The following GRM4 variants were observed in gnomAD, a reference collection of about 807,000 sequenced individuals.
GRM4 encodes the protein glutamate metabotropic receptor 4, also known as metabotropic glutamate receptor 4.
A neutral mutation model predicts 81.7 loss-of-function variants in GRM4; 28 were observed. That is an observed-to-expected ratio of 0.34 (90% CI 0.25 to 0.47). GRM4 has a LOEUF of 0.47. Ranked by LOEUF, GRM4 falls within the 20% of genes least tolerant of loss-of-function variation. GRM4 has a pLI of 1.00. For synonymous variants in GRM4, 488 were observed against 528.8 expected, an observed-to-expected ratio of 0.92 and a Z score of 1.06; for missense variants, 948 against 1,290.0, an observed-to-expected ratio of 0.73 and a Z score of 4.06.
At chr6:34,098,372 A>AT (rs970605848) in intron 2 of GRM4, among the ~76,000 whole-genome samples, 3 of 152,120 alleles carry the variant, frequency 2.0e-5, no homozygotes, top group African/African-American at 7.2e-5. Context: ...CCTCCTGGGC[A>AT]TGCCCTCCAG....
chr6:34,112,215 C>T (rs926805790), intron 2 of GRM4, among the ~76,000 whole-genome samples: 6 of 152,206 alleles, frequency 3.9e-5, no homozygotes, highest in East Asian at 3.8e-4. Context: ...ATTTATCCAA[C>T]GAGCGATAAA....
chr6:34,113,040 C>T (rs77310180), intron 2 of GRM4, among the ~76,000 whole-genome samples: 2,988 of 152,262 alleles, frequency 0.02, 39 homozygotes, highest in Middle Eastern at 0.065. Flanking sequence ...TAATAATGAC[C>T]TTCCATTTAC....
In GRM4 at chr6:34,080,591, T is replaced by C. The variant is rs1396632857; in HGVS notation, c.736+11292A>G. ...AGAAGGAAAAAAATGGCCACGCCCC[T>C]CCTCACCAGCCATACCCCTGGGGCA... On this transcript the variant is annotated intron_variant, in intron 3 of 10. Transcript: ENST00000538487. The surrounding 1 kb of genome is among the most constrained non-coding windows in gnomAD (Gnocchi z 5.4). Among the ~76,000 whole-genome samples the C allele has an allele frequency of 8.5e-5, 13 of 152,070 alleles. No homozygotes were observed. The highest frequency in any genetic ancestry group is 1.8e-4 in the Non-Finnish European group (12 of 68,010).
chr6:34,036,521 T>G lies in GRM4; in HGVS notation c.1589A>C (p.Lys530Thr). 6.2e-7 allele frequency: 1 copy of G among 1,612,198 alleles called. No individual in the cohort carries two copies. Among genetic ancestry groups the G allele is most frequent in the South Asian group, 1.1e-5 (1 of 91,066 alleles). The part of the protein sequence containing the change: ...CSLPCQPGER[K>T]KTVKGMPCCW... Reference sequence around the variant, plus strand: ...GCAAGGCATGCCCTTCACTGTCTTCTTCCGCTCACCCGGTTGGCAGGGCAG... The same window carrying G: ...GCAAGGCATGCCCTTCACTGTCTTCGTCCGCTCACCCGGTTGGCAGGGCAG... The change falls in exon 9 of 11, where the codon AAG becomes ACG. Residue 530 changes from lysine (K) to threonine (T), a missense_variant. Transcript: ENST00000538487. This position sits in a 1 kb window ranked among gnomAD's most constrained non-coding sequence, Gnocchi z 9.0.
At position 34,115,139 on chromosome 6, in the gene GRM4, G is replaced by A. The variant is rs1011013767; in HGVS notation, c.519+17839C>T. 6.6e-6 allele frequency among the ~76,000 whole-genome samples: 1 copy of A among 152,184 alleles called. No homozygotes were observed. The highest frequency in any genetic ancestry group is 1.5e-5 in the Non-Finnish European group (1 of 68,038). On this transcript the variant is annotated intron_variant, in intron 2 of 10. Transcript: ENST00000538487. The surrounding 1 kb of genome is among the most constrained non-coding windows in gnomAD (Gnocchi z 4.1). Reference sequence around the variant, plus strand: ...AAGAGGTTCACCAGGGTTGAGAGGTGGTCAGGGCCCTGCCTAAACGCCAAC... The same window carrying A: ...AAGAGGTTCACCAGGGTTGAGAGGTAGTCAGGGCCCTGCCTAAACGCCAAC...
Position 34,114,942 on chromosome 6 carries a change from A to G in GRM4, c.519+18036T>C, listed in dbSNP as rs1441911106. ...ATGTTTGCTGAATCAAATGGAATCCATTCAAAACACAGCCCAGGAAGCATG... is the reference window on the plus strand; with the variant it reads ...ATGTTTGCTGAATCAAATGGAATCCGTTCAAAACACAGCCCAGGAAGCATG... On this transcript the variant is annotated intron_variant, in intron 2 of 10. Coordinates refer to ENST00000538487, the MANE Select transcript of GRM4 (RefSeq NM_000841.4). The surrounding 1 kb of genome is among the most constrained non-coding windows in gnomAD (Gnocchi z 4.3). Among the ~76,000 whole-genome samples the G allele has an allele frequency of 1.3e-5, 2 of 152,232 alleles. No individual in the cohort carries two copies. Among genetic ancestry groups the G allele is most frequent in the African/African-American group, 4.8e-5 (2 of 41,458 alleles).
chr6:34,141,008 C>G (rs1561836553), intron 1 of GRM4, among the ~76,000 whole-genome samples: 1 of 152,246 alleles, frequency 6.6e-6, no homozygotes, highest in Non-Finnish European at 1.5e-5. Flanking sequence ...TCACCCTCCA[C>G]AAGCTTAGGA....
In GRM4 at chr6:34,114,732, T is replaced by C. The variant is rs1769518496; in HGVS notation, c.519+18246A>G. 6.6e-6 allele frequency among the ~76,000 whole-genome samples: 1 copy of C among 151,924 alleles called. No homozygotes were observed. Among genetic ancestry groups the C allele is most frequent in the Admixed American group, 6.6e-5 (1 of 15,248 alleles). On this transcript the variant is annotated intron_variant, in intron 2 of 10. Coordinates refer to ENST00000538487, the MANE Select transcript of GRM4 (RefSeq NM_000841.4). The surrounding 1 kb of genome is among the most constrained non-coding windows in gnomAD (Gnocchi z 4.3). ...CGCCTTGTCAGAACTGCCCTCGCCC[T>C]CCTCTGAGCCCCTAGACCCTCACCT...
At chr6:34,049,148 C>G (rs1332769726) in intron 6 of GRM4, among the ~76,000 whole-genome samples, 1 of 151,972 alleles carries the variant, frequency 6.6e-6, no homozygotes, top group Non-Finnish European at 1.5e-5. Flanking sequence ...TCATCAGTTT[C>G]TCTCCTCTGT....
chr6:34,103,831 A>C (rs1375149635), intron 2 of GRM4: 9 of 1,429,674 alleles, frequency 6.3e-6, no homozygotes, highest in Non-Finnish European at 8.2e-6. Flanking sequence ...CCACGGTGAA[A>C]GACTGGGATG....
rs547380066 is a variant in GRM4 at position 34,036,963 on chromosome 6, T to C, written c.1507-360A>G. Among the ~76,000 whole-genome samples, 76 of 152,326 alleles carry C rather than the reference T, an allele frequency of 5.0e-4. No individual in the cohort carries two copies. The highest frequency in any genetic ancestry group is 1.8e-3 in the African/African-American group (73 of 41,574). The stretch of plus-strand genomic sequence containing the variant: ...TGACTCTTAGCCCCTAAGGCCTTGC[T>C]GCTCACAGTGGTCCCCAGGGCGGCA... On this transcript the variant is annotated intron_variant, in intron 8 of 10. Coordinates refer to ENST00000538487, the MANE Select transcript of GRM4 (RefSeq NM_000841.4). This position sits in a 1 kb window ranked among gnomAD's most constrained non-coding sequence, Gnocchi z 9.0.
At chr6:34,125,239 C>T (rs1258347887) in intron 2 of GRM4, among the ~76,000 whole-genome samples, 3 of 152,292 alleles carry the variant, frequency 2.0e-5, no homozygotes, top group East Asian at 3.9e-4. Flanking sequence ...TCCCAAAGGA[C>T]GCTTACCTTT....
At chr6:34,148,327 G>A (rs888589858), upstream of GRM4, among the ~76,000 whole-genome samples, 4 of 152,032 alleles carry the variant, frequency 2.6e-5, no homozygotes, top group South Asian at 2.1e-4. Flanking sequence ...CTGCTGGGTC[G>A]TGGCTGACTT....
At chr6:34,087,798 CTA>C (rs1767987449) in intron 3 of GRM4, among the ~76,000 whole-genome samples, 1 of 7,958 alleles carries the variant, frequency 1.3e-4, no homozygotes, top group African/African-American at 5.7e-4. Flanking sequence ...ACATGCACCC[CTA>C]CACACACACA....
chr6:34,071,194 C>T (rs1291145582), intron 3 of GRM4, among the ~76,000 whole-genome samples: 32 of 150,460 alleles, frequency 2.1e-4, no homozygotes, highest in Admixed American at 2.1e-3. Context: ...TAGCCACACA[C>T]AGACACACAC....
chr6:34,128,907 T>A (rs1406701672), intron 2 of GRM4, among the ~76,000 whole-genome samples: 1 of 152,116 alleles, frequency 6.6e-6, no homozygotes, highest in African/African-American at 2.4e-5. Flanking sequence ...TCAAAGAAAT[T>A]ATTTCTGGAT....
In GRM4 at chr6:34,042,071, C is replaced by G. The variant is rs1052521958; in HGVS notation, c.1169-1323G>C. On this transcript the variant is annotated intron_variant, in intron 6 of 10. Transcript: ENST00000538487. This position sits in a 1 kb window ranked among gnomAD's most constrained non-coding sequence, Gnocchi z 4.2. ...GTTCAAGACCAGCCCAGCCAACACG[C>G]TGAAACCCCATCTCTACTCAAAATA... Among the ~76,000 whole-genome samples, 9 of 152,096 alleles carry G rather than the reference C, an allele frequency of 5.9e-5. No homozygotes were observed. The highest frequency in any genetic ancestry group is 1.0e-4 in the Non-Finnish European group (7 of 67,998).
intron 5 of GRM4, 75 bp from the exon 6 acceptor site, chr6:34,056,759 G>T: frequency 6.6e-7 from 1 of 1,519,728 alleles, no homozygotes; most frequent in Non-Finnish European, 8.9e-7. Flanking sequence ...GCCTCCCCCA[G>T]GATAAGAGAT....
At chr6:34,101,450 G>C (rs554992435) in intron 2 of GRM4, among the ~76,000 whole-genome samples, 3 of 152,068 alleles carry the variant, frequency 2.0e-5, no homozygotes, top group African/African-American at 7.2e-5. Context: ...TGTCTCCTGC[G>C]TACACGGTGG....
Sources: gnomAD v4.1 joint callset for allele counts (sites outside exome capture counted in the v4.1 genomes callset) on GRCh38, gnomAD v4.1.1 for gene constraint, Gnocchi (gnomAD v3.1) non-coding constraint, MANE v1.5 for transcripts, NCBI Gene and HGNC (gene_info 2026-07-23, HGNC 2026-07-21) for gene names.